The following SORCS2 variants were observed in gnomAD, a reference collection of about 807,000 sequenced individuals.
SORCS2 encodes the protein VPS10 domain-containing receptor SorCS2.
In SORCS2, 100 loss-of-function variants were observed where a neutral mutation model predicts 141.6. The ratio of observed to expected loss-of-function variants is 0.71; its 90% CI spans 0.60 to 0.83. SORCS2 has a LOEUF of 0.83. Ranked by LOEUF, SORCS2 falls within the 40% of genes least tolerant of loss-of-function variation. SORCS2 has a pLI of 0.00. For synonymous variants in SORCS2, 789 were observed against 676.9 expected (o/e 1.17, Z -2.57); for missense variants, 1,646 against 1,560.2 (o/e 1.05, Z -0.93).
intron 1 of SORCS2, among the ~76,000 whole-genome samples, chr4:7,353,964 T>C (rs1229566551): frequency 2.0e-5 from 3 of 152,146 alleles, no homozygotes; most frequent in Non-Finnish European, 2.9e-5. Flanking sequence ...CCCTCCCTGT[T>C]CCCTACTGGC....
intron 2 of SORCS2, among the ~76,000 whole-genome samples, chr4:7,480,221 A>C (rs1353335382): frequency 1.3e-5 from 2 of 152,172 alleles, no homozygotes; most frequent in African/African-American, 4.8e-5. Context: ...CCAGGTGTTG[A>C]GCCCGAGAGT....
intron 2 of SORCS2, chr4:7,434,247 C>T: frequency 6.2e-7 from 1 of 1,613,550 alleles, no homozygotes; most frequent in Non-Finnish European, 8.5e-7. Flanking sequence ...ACTCACACTG[C>T]TCCTGGATGT....
intron 25 of SORCS2, among the ~76,000 whole-genome samples, chr4:7,734,877 G>A (rs1330287506): frequency 6.6e-6 from 1 of 152,240 alleles, no homozygotes; most frequent in Non-Finnish European, 1.5e-5. Flanking sequence ...CTCCCGTGGG[G>A]AGGGCTCTGG....
intron 3 of SORCS2, among the ~76,000 whole-genome samples, chr4:7,546,866 A>G (rs1365789279): frequency 2.6e-5 from 4 of 152,300 alleles, no homozygotes; most frequent in African/African-American, 7.2e-5. Context: ...CTGACAAATC[A>G]CTTTCTTATC....
chr4:7,722,394 G>C (rs978732924), intron 18 of SORCS2, among the ~76,000 whole-genome samples: 1 of 152,186 alleles, frequency 6.6e-6, no homozygotes. Flanking sequence ...TGTCAAATGG[G>C]GAGAACGGAG....
chr4:7,574,193 C>T (rs555648942), intron 3 of SORCS2, among the ~76,000 whole-genome samples: 10 of 152,390 alleles, frequency 6.6e-5, no homozygotes, highest in African/African-American at 1.9e-4. Flanking sequence ...GGGTCCCGTG[C>T]GCCTTTGCGG....
At chr4:7,424,581 G>C (rs1392497803) in intron 2 of SORCS2, among the ~76,000 whole-genome samples, 2 of 152,278 alleles carry the variant, frequency 1.3e-5, no homozygotes, top group East Asian at 3.9e-4. Context: ...CCTCCTCTTT[G>C]CCGCTCCTCA....
intron 1 of SORCS2, among the ~76,000 whole-genome samples, chr4:7,222,379 C>G (rs551411928): frequency 3.3e-5 from 5 of 152,190 alleles, no homozygotes; most frequent in African/African-American, 1.2e-4. Flanking sequence ...AAGAAGCCAG[C>G]CACGAACAGC....
In SORCS2 at chr4:7,223,610, G is replaced by T. The variant is rs202100198; in HGVS notation, c.480+30484G>T. ...CAAGGTCAAAAGTCAGGAATGGGGC[G>T]TGTACTCAGTGCCCATACGGATGTT... On this transcript the variant is annotated intron_variant, in intron 1 of 26. Coordinates refer to ENST00000507866, the MANE Select transcript of SORCS2 (RefSeq NM_020777.3). Among the ~76,000 whole-genome samples the T allele has an allele frequency of 3.3e-5, 5 of 152,282 alleles. No individual in the cohort carries two copies. The East Asian group carries it at 9.7e-4, about 29-fold the overall frequency.
chr4:7,304,241 G>A (rs1264403929), intron 1 of SORCS2, among the ~76,000 whole-genome samples: 2 of 152,180 alleles, frequency 1.3e-5, no homozygotes, highest in Admixed American at 6.5e-5. Context: ...ACCCAGAGAC[G>A]ATGAGGAATA....
chr4:7,690,811 G>GTA (rs1386375657), intron 11 of SORCS2, among the ~76,000 whole-genome samples: 1 of 152,182 alleles, frequency 6.6e-6, no homozygotes, highest in Non-Finnish European at 1.5e-5. Context: ...AGAAAAACAA[G>GTA]TATACAACTA....
intron 11 of SORCS2, among the ~76,000 whole-genome samples, chr4:7,694,415 C>G (rs1428381347): frequency 6.6e-6 from 1 of 152,204 alleles, no homozygotes; most frequent in East Asian, 1.9e-4. Context: ...GTGAATCGCT[C>G]CTTCTTTCCC....
chr4:7,660,545 C>T (rs973270616), intron 5 of SORCS2, among the ~76,000 whole-genome samples: 11 of 152,154 alleles, frequency 7.2e-5, no homozygotes, highest in African/African-American at 1.9e-4. Flanking sequence ...CATCTAGACT[C>T]GTGGTATTAG....
chr4:7,583,843 G>A (rs533088703), intron 3 of SORCS2, among the ~76,000 whole-genome samples: 32 of 152,354 alleles, frequency 2.1e-4, no homozygotes, highest in Non-Finnish European at 2.6e-4. Flanking sequence ...CACCCATGAA[G>A]CTCAAATGTG....
chr4:7,641,181 A>T (rs1004320335), intron 4 of SORCS2, among the ~76,000 whole-genome samples: 1 of 152,134 alleles, frequency 6.6e-6, no homozygotes. Flanking sequence ...CTATTAGCCC[A>T]TTGTCACACT....
Position 7,192,959 on chromosome 4 carries a change from G to A in SORCS2, c.313G>A (p.Gly105Ser), listed in dbSNP as rs1411313538. 7 of 1,357,040 alleles carry A rather than the reference G, an allele frequency of 5.2e-6. No individual in the cohort carries two copies. The highest frequency in any genetic ancestry group is 1.5e-5 in the African/African-American group (1 of 65,074). 84.1% of individuals were successfully genotyped at this position (1,357,040 alleles called of 1,614,324 possible). A position where few individuals can be genotyped will look rare whatever the true frequency, so the allele number is the denominator to read the frequency against. ...GPSPGPAPGP[G>S]EDGAPAAGYR... ...GAGTCCCGGTCCCGCTCCTGGTCCCGGCGAGGACGGCGCCCCCGCCGCGGG... is the reference window on the plus strand; with the variant it reads ...GAGTCCCGGTCCCGCTCCTGGTCCCAGCGAGGACGGCGCCCCCGCCGCGGG... Residue 105 changes from glycine (G) to serine (S), a missense_variant, in exon 1 of 27, where the codon GGC (glycine) becomes AGC (serine). Gly to Ser is a moderately conservative substitution (Grantham distance 56). Coordinates refer to ENST00000507866, the MANE Select transcript of SORCS2 (RefSeq NM_020777.3). The surrounding 1 kb of genome is among the most constrained non-coding windows in gnomAD (Gnocchi z 4.0).
intron 12 of SORCS2, among the ~76,000 whole-genome samples, chr4:7,698,287 C>T (rs755470204): frequency 2.1e-4 from 32 of 152,210 alleles, no homozygotes; most frequent in Admixed American, 4.6e-4. Context: ...CAGTGTTTTA[C>T]ACGCCCGAGT....
At chr4:7,676,856 TCCTCCTTC>T in intron 9 of SORCS2, among the ~76,000 whole-genome samples, 1 of 91,166 alleles carries the variant, frequency 1.1e-5, no homozygotes, top group East Asian at 3.5e-4. Flanking sequence ...CCCTGTCATC[TCCTCCTTC>T]CTCTCCCTCT....
At chr4:7,337,603 C>T (rs1299271847) in intron 1 of SORCS2, among the ~76,000 whole-genome samples, 2 of 152,158 alleles carry the variant, frequency 1.3e-5, no homozygotes, top group African/African-American at 2.4e-5. Context: ...CCATGTGGGC[C>T]TTGCAGCCAC....
Sources: allele counts gnomAD v4.1 joint callset (sites outside exome capture counted in the v4.1 genomes callset), GRCh38; gene constraint gnomAD v4.1.1; non-coding constraint Gnocchi (gnomAD v3.1); transcripts MANE v1.5; gene names NCBI Gene and HGNC (gene_info 2026-07-23, HGNC 2026-07-21).